Variants in DPP10 observed in about 807,000 individuals in gnomAD.
DPP10 encodes the protein dipeptidyl peptidase like 10.
In DPP10, 33 loss-of-function variants were observed where a neutral mutation model predicts 120.9. That is an observed-to-expected ratio of 0.27 (90% CI 0.21 to 0.37). The LOEUF is 0.37. DPP10 is among the 10% of genes least tolerant of loss of function. The probability of loss-of-function intolerance (pLI) is 1.00; values close to 1 mark genes in which losing one functional copy is unlikely to be tolerated. For missense variants in DPP10, 816 were observed against 942.8 expected, an observed-to-expected ratio of 0.87 and a Z score of 1.76; for synonymous variants, 337 against 326.1, an observed-to-expected ratio of 1.03 and a Z score of -0.36.
intron 1 of DPP10, among the ~76,000 whole-genome samples, chr2:114,893,654 A>G (rs990222322): frequency 6.6e-6 from 1 of 152,188 alleles, no homozygotes; most frequent in Non-Finnish European, 1.5e-5. Context: ...GTGATTTCAA[A>G]ACAAAGTTTG....
chr2:115,039,888 G>A (rs1312753695), intron 1 of DPP10, among the ~76,000 whole-genome samples: 3 of 151,960 alleles, frequency 2.0e-5, no homozygotes, highest in Non-Finnish European at 4.4e-5. Flanking sequence ...AGCAGCCTCA[G>A]GAAACTTTCA....
intron 5 of DPP10, among the ~76,000 whole-genome samples, chr2:115,664,232 TG>T (rs2089256769): frequency 1.3e-5 from 2 of 151,852 alleles, no homozygotes; most frequent in Admixed American, 1.3e-4. Flanking sequence ...TTGCCCAAAT[TG>T]TATACTAATG....
intron 5 of DPP10, among the ~76,000 whole-genome samples, chr2:115,600,101 T>C (rs1006515705): frequency 2.0e-5 from 3 of 152,146 alleles, no homozygotes; most frequent in African/African-American, 7.2e-5. Context: ...AAGTCATTTT[T>C]AACCTATCTC....
At chr2:115,449,954 G>A (rs183798049) in intron 3 of DPP10, among the ~76,000 whole-genome samples, 1 of 152,082 alleles carries the variant, frequency 6.6e-6, no homozygotes, top group East Asian at 1.9e-4. Context: ...GTAAAATCTA[G>A]AGGAGTGGTT....
intron 5 of DPP10, among the ~76,000 whole-genome samples, chr2:115,631,669 C>A (rs1272033601): frequency 6.6e-6 from 1 of 152,242 alleles, no homozygotes; most frequent in South Asian, 2.1e-4. Context: ...TCATTATTTA[C>A]CCAGGAGTCA....
At chr2:115,642,442 C>T (rs116153694) in intron 5 of DPP10, among the ~76,000 whole-genome samples, 1 of 152,226 alleles carries the variant, frequency 6.6e-6, no homozygotes, top group Admixed American at 6.5e-5. Flanking sequence ...ATGCTGCCAG[C>T]CAACTACCTT....
At chr2:115,706,986 A>G (rs12623581) in intron 7 of DPP10, among the ~76,000 whole-genome samples, 146,769 of 151,982 alleles carry the variant, frequency 0.97, 71,099 homozygotes, top group Middle Eastern at 1. Flanking sequence ...ATGAAAATAA[A>G]AAAAGACAGT....
intron 1 of DPP10, among the ~76,000 whole-genome samples, chr2:114,951,568 G>A (rs1045173688): frequency 2.0e-5 from 3 of 152,024 alleles, no homozygotes; most frequent in Non-Finnish European, 4.4e-5. Context: ...ACACCCTAAA[G>A]CTAGAGTGAA....
intron 1 of DPP10, among the ~76,000 whole-genome samples, chr2:114,499,041 C>T (rs1682925133): frequency 1.3e-5 from 2 of 152,118 alleles, no homozygotes; most frequent in South Asian, 4.1e-4. Context: ...ATGAGATAAG[C>T]CAGGAACAGA....
chr2:114,900,177 TG>T (rs1224127118), intron 1 of DPP10, among the ~76,000 whole-genome samples: 1 of 152,242 alleles, frequency 6.6e-6, no homozygotes, highest in Non-Finnish European at 1.5e-5. Flanking sequence ...CTTAAATTTT[TG>T]TCAAGAGGGT....
intron 1 of DPP10, among the ~76,000 whole-genome samples, chr2:114,942,402 C>CATATATATATATATATATATATATAT (rs61579596): frequency 7.8e-6 from 1 of 127,812 alleles, no homozygotes. Context: ...CACACACACA[C>CATATATATATATATATATATATATAT]ATATATATAT....
chr2:114,974,366 G>A (rs1307661135), intron 1 of DPP10, among the ~76,000 whole-genome samples: 1 of 151,598 alleles, frequency 6.6e-6, no homozygotes, highest in Admixed American at 6.6e-5. Flanking sequence ...TAGCCTAGGG[G>A]CAATAGGTTA....
chr2:114,704,788 G>A (rs72830364), intron 1 of DPP10, among the ~76,000 whole-genome samples: 1 of 152,278 alleles, frequency 6.6e-6, no homozygotes, highest in African/African-American at 2.4e-5. Context: ...ATATGTTGAA[G>A]CTCTAACCTC....
intron 1 of DPP10, among the ~76,000 whole-genome samples, chr2:115,214,800 CT>C (rs2056722560): frequency 6.6e-6 from 1 of 152,186 alleles, no homozygotes; most frequent in Admixed American, 6.5e-5. Context: ...CCATACCTCT[CT>C]TCCAACTGAG....
chr2:115,273,175 C>G (rs145564689), intron 1 of DPP10, among the ~76,000 whole-genome samples: 1 of 152,104 alleles, frequency 6.6e-6, no homozygotes, highest in African/African-American at 2.4e-5. Context: ...CTTGGATGTT[C>G]AAGTGTGGAG....
intron 1 of DPP10, among the ~76,000 whole-genome samples, chr2:114,694,674 A>G (rs1276303967): frequency 1.3e-5 from 2 of 152,048 alleles, no homozygotes; most frequent in Non-Finnish European, 1.5e-5. Context: ...ACACATGTTC[A>G]TGGAAGACAA....
At chr2:115,247,567 TG>T (rs755289559) in intron 1 of DPP10, among the ~76,000 whole-genome samples, 1 of 151,892 alleles carries the variant, frequency 6.6e-6, no homozygotes, top group South Asian at 2.1e-4. Context: ...TGTATTAGGG[TG>T]TGAACATCAC....
At chr2:115,356,354 C>T (rs1166570077) in intron 3 of DPP10, among the ~76,000 whole-genome samples, 1 of 151,868 alleles carries the variant, frequency 6.6e-6, no homozygotes, top group Non-Finnish European at 1.5e-5. Context: ...TTGCCCTCTG[C>T]TTGTCTATTG....
At chr2:115,369,334 T>C (rs2065258216) in intron 3 of DPP10, among the ~76,000 whole-genome samples, 1 of 152,102 alleles carries the variant, frequency 6.6e-6, no homozygotes, top group Non-Finnish European at 1.5e-5. Context: ...AGTAGAAGTT[T>C]AGATTATTAT....
Sources: allele counts gnomAD v4.1 joint callset (sites outside exome capture counted in the v4.1 genomes callset), GRCh38; gene constraint gnomAD v4.1.1; transcripts MANE v1.5; gene names NCBI Gene and HGNC (gene_info 2026-07-23, HGNC 2026-07-21).